ADARB2: variants seen among roughly 807,000 people sequenced by gnomAD.
ADARB2 encodes adenosine deaminase RNA specific B2 (inactive), also known as inactive double-stranded RNA-specific editase B2.
A neutral mutation model predicts 62.2 loss-of-function variants in ADARB2; 25 were observed. The observed-to-expected ratio is 0.40, with a 90% CI of 0.29 to 0.56. The LOEUF (loss-of-function observed/expected upper bound fraction) is 0.56. Among genes scored for constraint, ADARB2 ranks in the 20% least tolerant of loss-of-function variants. ADARB2 has a pLI of 0.43. For synonymous variants in ADARB2, 572 were observed against 500.8 expected, an observed-to-expected ratio of 1.14 and a Z score of -1.90; for missense variants, 1,071 against 1,077.4, an observed-to-expected ratio of 0.99 and a Z score of 0.08.
In ADARB2 at chr10:1,178,486, G is replaced by A. The variant is rs1288581856; in HGVS notation, c.*4707C>T. On this transcript the variant is annotated 3_prime_UTR_variant, in exon 10 of 10. Transcript: ENST00000381312. ...TCAGAATTTGTGGGAGAAGTTTGAC[G>A]GGTCACCAGCAGCCCAGTGTTTCCA... 1.3e-5 allele frequency: 2 copies of A among 152,254 alleles called. No individual in the cohort carries two copies. The highest frequency in any genetic ancestry group is 2.9e-5 in the Non-Finnish European group (2 of 68,108). 9.4% of individuals were successfully genotyped at this position (152,254 alleles called of 1,614,324 possible).
At chr10:1,462,671 CTG>C (rs1324138044) in intron 1 of ADARB2, among the ~76,000 whole-genome samples, 2 of 146,096 alleles carry the variant, frequency 1.4e-5, no homozygotes, top group Non-Finnish European at 3.0e-5. Flanking sequence ...GTGTATGTGC[CTG>C]TGTGTATGTG....
chr10:1,631,001 G>A (rs927873796), intron 1 of ADARB2, among the ~76,000 whole-genome samples: 2 of 150,570 alleles, frequency 1.3e-5, no homozygotes, highest in African/African-American at 4.9e-5. Flanking sequence ...ACAAATAAAT[G>A]AAAGAAAGAA....
intron 7 of ADARB2, among the ~76,000 whole-genome samples, chr10:1,201,787 A>AC (rs1377141637): frequency 7.8e-5 from 11 of 140,434 alleles, no homozygotes; most frequent in African/African-American, 2.7e-4. Flanking sequence ...GTCACTGAGG[A>AC]CCTTCATTCC....
chr10:1,587,538 T>C (rs1447624771), intron 1 of ADARB2, among the ~76,000 whole-genome samples: 1 of 149,038 alleles, frequency 6.7e-6, no homozygotes, highest in African/African-American at 2.4e-5. Context: ...TATTTGTTGT[T>C]TTGATTTTTT....
chr10:1,679,179 G>C (rs935730847), intron 1 of ADARB2, among the ~76,000 whole-genome samples: 2 of 152,160 alleles, frequency 1.3e-5, no homozygotes, highest in African/African-American at 4.8e-5. Context: ...AAAAGGCATC[G>C]AGGAGCTGCC....
chr10:1,597,821 C>A (rs1412616942), intron 1 of ADARB2, among the ~76,000 whole-genome samples: 2 of 152,220 alleles, frequency 1.3e-5, no homozygotes, highest in African/African-American at 4.8e-5. Flanking sequence ...TGCTTGCCTT[C>A]CTTTGTTTAT....
rs867978669 is a variant in ADARB2 at position 1,460,080 on chromosome 10, A to T, written c.101-80920T>A. Among the ~76,000 whole-genome samples, 327 of 49,346 alleles carry T rather than the reference A, an allele frequency of 6.6e-3. 7 individuals are homozygous for T. The highest frequency in any genetic ancestry group is 0.022 in the Middle Eastern group (2 of 90). 32.4% of individuals were successfully genotyped at this position (49,346 alleles called of 152,430 possible). ...GCCTGTGACCTGAGTTTACCTGCGT[A>T]ACGAACCTGCCTGTGACCTGAGTTT... On this transcript the variant is annotated intron_variant, in intron 1 of 9. Transcript: ENST00000381312.
At chr10:1,586,744 A>G (rs559595041) in intron 1 of ADARB2, among the ~76,000 whole-genome samples, 2 of 152,356 alleles carry the variant, frequency 1.3e-5, no homozygotes, top group Admixed American at 6.5e-5. Flanking sequence ...GTGGAAAAAC[A>G]TTCTCATTAC....
chr10:1,675,913 G>T lies in ADARB2; in HGVS notation c.100+61138C>A, dbSNP rs1319657992. ...CAGCTCAGAGGAAGGGGCTGCAGAG[G>T]TCCGCGTGGGTCAGAGTTGAATCTG... On this transcript the variant is annotated intron_variant, in intron 1 of 9. Transcript: ENST00000381312. The T allele has an allele frequency of 1.2e-5, 10 of 824,628 alleles. No individual in the cohort carries two copies. In the African/African-American group the frequency reaches 1.9e-4, roughly 15 times the overall value. The allele number at this position is 824,628 out of a possible 1,614,324, so 51.1% of individuals were successfully genotyped here. A position where few individuals can be genotyped will look rare whatever the true frequency, so the allele number is the denominator to read the frequency against.
At chr10:1,400,291 C>T (rs1458056478) in intron 1 of ADARB2, among the ~76,000 whole-genome samples, 6 of 152,164 alleles carry the variant, frequency 3.9e-5, no homozygotes, top group Admixed American at 6.5e-5. Flanking sequence ...AGTCCGAGTC[C>T]GGGCAGCAGT....
chr10:1,374,678 G>GCCGT (rs2131857180), intron 2 of ADARB2, among the ~76,000 whole-genome samples: 1 of 152,282 alleles, frequency 6.6e-6, no homozygotes, highest in Non-Finnish European at 1.5e-5. Context: ...TCTGGCTCCC[G>GCCGT]CCGTCCGTCC....
intron 1 of ADARB2, among the ~76,000 whole-genome samples, chr10:1,608,111 G>T (rs1219111100): frequency 1.3e-5 from 2 of 152,176 alleles, no homozygotes; most frequent in African/African-American, 4.8e-5. Context: ...TTATCATCTT[G>T]TTCATGAAAC....
chr10:1,297,487 A>G (rs943205719), intron 3 of ADARB2, among the ~76,000 whole-genome samples: 3 of 152,120 alleles, frequency 2.0e-5, no homozygotes, highest in Non-Finnish European at 2.9e-5. Flanking sequence ...CCCACTGATA[A>G]GGTGGGGCCT....
chr10:1,514,546 C>T (rs940281616), intron 1 of ADARB2, among the ~76,000 whole-genome samples: 1 of 152,134 alleles, frequency 6.6e-6, no homozygotes, highest in African/African-American at 2.4e-5. Flanking sequence ...TCTGATAGAA[C>T]TTGGTTCCCT....
intron 1 of ADARB2, among the ~76,000 whole-genome samples, chr10:1,636,154 G>T (rs544509271): frequency 1.3e-5 from 2 of 152,076 alleles, no homozygotes; most frequent in Non-Finnish European, 2.9e-5. Context: ...GCGAGTTGAG[G>T]GGGGTGCAAG....
intron 3 of ADARB2, among the ~76,000 whole-genome samples, chr10:1,319,954 T>C (rs1178394604): frequency 6.6e-6 from 1 of 152,230 alleles, no homozygotes; most frequent in Non-Finnish European, 1.5e-5. Flanking sequence ...ATTGCCAAAT[T>C]GTTTTGTGCA....
intron 1 of ADARB2, among the ~76,000 whole-genome samples, chr10:1,733,912 G>C (rs1835266009): frequency 1.3e-5 from 2 of 152,030 alleles, no homozygotes; most frequent in African/African-American, 4.8e-5. Flanking sequence ...AGGCAGGCGC[G>C]GGACACACTG....
chr10:1,563,563 CAA>C (rs1832816789), intron 1 of ADARB2, among the ~76,000 whole-genome samples: 2 of 152,066 alleles, frequency 1.3e-5, no homozygotes, highest in South Asian at 4.1e-4. Context: ...GTTTATGGAA[CAA>C]ACAGAAGGCT....
intron 4 of ADARB2, among the ~76,000 whole-genome samples, chr10:1,266,776 G>A (rs887352576): frequency 7.9e-5 from 12 of 152,224 alleles, no homozygotes; most frequent in African/African-American, 2.9e-4. Context: ...ACGGGCCAGG[G>A]CGTCTCCTCA....
Sources: allele counts gnomAD v4.1 joint callset (sites outside exome capture counted in the v4.1 genomes callset), GRCh38; gene constraint gnomAD v4.1.1; transcripts MANE v1.5; gene names NCBI Gene and HGNC (gene_info 2026-07-23, HGNC 2026-07-21).